BCAS3: variants seen among roughly 807,000 people sequenced by gnomAD.
The protein encoded by BCAS3 is BCAS3 microtubule associated cell migration factor.
A neutral mutation model predicts 116.1 loss-of-function variants in BCAS3; 53 were observed. The ratio of observed to expected loss-of-function variants is 0.46; its 90% CI spans 0.37 to 0.57. The LOEUF is 0.57. BCAS3 is among the 20% of genes least tolerant of loss of function. The pLI, the probability that BCAS3 is intolerant of heterozygous loss-of-function variation, is 0.00. For missense variants in BCAS3, 917 were observed against 1,165.4 expected (o/e 0.79, Z 3.10); for synonymous variants, 391 against 408.2 (o/e 0.96, Z 0.51).
chr17:60,799,524 G>GTTTTTTTTTT (rs869112996), intron 6 of BCAS3, among the ~76,000 whole-genome samples: 3 of 102,380 alleles, frequency 2.9e-5, no homozygotes, highest in Non-Finnish European at 5.9e-5. Flanking sequence ...ATTAGTGTTT[G>GTTTTTTTTTT]TTTTTTTTTT....
chr17:61,289,656 T>C (rs1317872787), intron 22 of BCAS3, among the ~76,000 whole-genome samples: 1 of 152,182 alleles, frequency 6.6e-6, no homozygotes, highest in Non-Finnish European at 1.5e-5. Flanking sequence ...TCCACAGGGT[T>C]GCACTGCTTA....
Position 61,130,480 on chromosome 17 carries a change from A to G in BCAS3, c.2425+45916A>G, listed in dbSNP as rs1218975663. Among the ~76,000 whole-genome samples the G allele has an allele frequency of 6.6e-6, 1 of 152,230 alleles. No individual in the cohort carries two copies. The highest frequency in any genetic ancestry group is 2.4e-5 in the African/African-American group (1 of 41,534). ...AAGTAACCAAATCGGTCCCACAAAC[A>G]TAAGCCTCTCTAACCCTGCCACCTC... On this transcript the variant is annotated intron_variant, in intron 22 of 23. Transcript: ENST00000407086. This position sits in a 1 kb window ranked among gnomAD's most constrained non-coding sequence, Gnocchi z 5.0.
intron 22 of BCAS3, among the ~76,000 whole-genome samples, chr17:61,147,172 T>G (rs1276745457): frequency 2.0e-5 from 3 of 152,092 alleles, no homozygotes; most frequent in Non-Finnish European, 4.4e-5. Context: ...CCTCTCAGGT[T>G]CAAGCGATTC....
Position 60,750,316 on chromosome 17 carries a change from G to A in BCAS3, c.403+3037G>A, listed in dbSNP as rs574887220. On this transcript the variant is annotated intron_variant, in intron 6 of 23. Coordinates refer to ENST00000407086, the MANE Select transcript of BCAS3 (RefSeq NM_017679.5). Reference sequence around the variant, plus strand: ...AAAAAGAAAAGTTTTAGCAAACTAGGAATAGAAAAAAAATTTTCTGAATAT... The same window carrying A: ...AAAAAGAAAAGTTTTAGCAAACTAGAAATAGAAAAAAAATTTTCTGAATAT... Among the ~76,000 whole-genome samples the A allele has an allele frequency of 2.4e-4, 37 of 152,092 alleles. No homozygotes were observed. The South Asian group carries it at 7.5e-3, about 31-fold the overall frequency.
chr17:61,318,616 C>A (rs769730748), intron 22 of BCAS3, among the ~76,000 whole-genome samples: 2 of 152,204 alleles, frequency 1.3e-5, no homozygotes, highest in Non-Finnish European at 2.9e-5. Flanking sequence ...TTTCTCCCCA[C>A]CCTGCAGTGA....
At chr17:60,875,153 A>T (rs182712726) in intron 9 of BCAS3, among the ~76,000 whole-genome samples, 6 of 152,146 alleles carry the variant, frequency 3.9e-5, no homozygotes, top group African/African-American at 1.4e-4. Flanking sequence ...TGAAAAAAAT[A>T]TATTTTTCGA....
At chr17:61,111,781 T>C (rs1436049564) in intron 22 of BCAS3, among the ~76,000 whole-genome samples, 1 of 117,504 alleles carries the variant, frequency 8.5e-6, no homozygotes. Context: ...AGACACATAA[T>C]TGTCAGATTC....
intron 22 of BCAS3, among the ~76,000 whole-genome samples, chr17:61,247,078 T>C (rs1234559909): frequency 1.3e-5 from 2 of 152,204 alleles, no homozygotes; most frequent in Non-Finnish European, 2.9e-5. Context: ...ATTTCACTGC[T>C]ACTTTCTGAC....
At position 61,378,593 on chromosome 17, in the gene BCAS3, C is replaced by T. The variant is rs2059446448; in HGVS notation, c.2593+10099C>T. Reference sequence around the variant, plus strand: ...CTGGTTCTTTGAACTGAGTCTGAACCATCTTTGTTATCCCCAACCACCAGC... The same window carrying T: ...CTGGTTCTTTGAACTGAGTCTGAACTATCTTTGTTATCCCCAACCACCAGC... On this transcript the variant is annotated intron_variant, in intron 23 of 23. Coordinates refer to ENST00000407086, the MANE Select transcript of BCAS3 (RefSeq NM_017679.5). The surrounding 1 kb of genome is among the most constrained non-coding windows in gnomAD (Gnocchi z 5.8). 1 of 152,320 alleles carries T rather than the reference C, an allele frequency of 6.6e-6. No homozygotes were observed. Among genetic ancestry groups the T allele is most frequent in the African/African-American group, 2.4e-5 (1 of 41,448 alleles). 9.4% of individuals were successfully genotyped at this position (152,320 alleles called of 1,614,324 possible). A position where few individuals can be genotyped will look rare whatever the true frequency, so the allele number is the denominator to read the frequency against.
chr17:61,299,462 A>G (rs112310945), intron 22 of BCAS3, among the ~76,000 whole-genome samples: 45 of 144,498 alleles, frequency 3.1e-4, no homozygotes, highest in East Asian at 1.9e-3. Context: ...AAAAAAAAAA[A>G]AAAAGAAAAG....
intron 20 of BCAS3, 47 bp downstream of exon 20, chr17:61,075,067 A>G: frequency 1.4e-6 from 2 of 1,451,038 alleles, no homozygotes; most frequent in Non-Finnish European, 1.9e-6. Flanking sequence ...TAAAACAGAA[A>G]TTTACTGTTT....
intron 15 of BCAS3, among the ~76,000 whole-genome samples, chr17:60,999,973 T>C (rs950053597): frequency 6.6e-6 from 1 of 152,196 alleles, no homozygotes; most frequent in Non-Finnish European, 1.5e-5. Flanking sequence ...TATTGTTGTC[T>C]AGAAATGCTA....
chr17:61,128,024 G>A lies in BCAS3; in HGVS notation c.2425+43460G>A, dbSNP rs1432641875. On this transcript the variant is annotated intron_variant, in intron 22 of 23. Coordinates refer to ENST00000407086, the MANE Select transcript of BCAS3 (RefSeq NM_017679.5). This position sits in a 1 kb window ranked among gnomAD's most constrained non-coding sequence, Gnocchi z 4.1. ...TGTGTGGCTTTGGGGAAGACATTCA[G>A]CAAAGAACACCACAATTCCCATTGA... Among the ~76,000 whole-genome samples, 1 of 152,072 alleles carries A rather than the reference G, an allele frequency of 6.6e-6. No homozygotes were observed. Among genetic ancestry groups the A allele is most frequent in the Non-Finnish European group, 1.5e-5 (1 of 68,018 alleles).
chr17:60,779,134 T>A (rs1464308722), intron 6 of BCAS3, among the ~76,000 whole-genome samples: 1 of 152,068 alleles, frequency 6.6e-6, no homozygotes, highest in East Asian at 1.9e-4. Context: ...AAATCTAAAA[T>A]TTGGAGCCTG....
chr17:61,179,840 C>T (rs1026367448), intron 22 of BCAS3, among the ~76,000 whole-genome samples: 3 of 149,064 alleles, frequency 2.0e-5, no homozygotes, highest in African/African-American at 7.4e-5. Flanking sequence ...TAGAAAACTA[C>T]TGGTAAAATA....
intron 22 of BCAS3, among the ~76,000 whole-genome samples, chr17:61,165,106 C>A (rs1311967235): frequency 6.6e-6 from 1 of 152,250 alleles, no homozygotes; most frequent in Non-Finnish European, 1.5e-5. Flanking sequence ...TCTATCCATT[C>A]AATTCTTACT....
intron 7 of BCAS3, among the ~76,000 whole-genome samples, chr17:60,808,896 G>C (rs1748717935): frequency 6.6e-6 from 1 of 152,152 alleles, no homozygotes; most frequent in Admixed American, 6.5e-5. Flanking sequence ...AGATCTTAAG[G>C]AATGGGAAAT....
intron 15 of BCAS3, among the ~76,000 whole-genome samples, chr17:61,011,147 A>G (rs1434459758): frequency 6.7e-6 from 1 of 149,290 alleles, no homozygotes; most frequent in African/African-American, 2.6e-5. Context: ...TCATGCAATA[A>G]AGGAAAAAAT....
intron 6 of BCAS3, among the ~76,000 whole-genome samples, chr17:60,777,381 T>A (rs748708444): frequency 6.6e-6 from 1 of 152,250 alleles, no homozygotes; most frequent in Non-Finnish European, 1.5e-5. Flanking sequence ...TCCCAGCACT[T>A]TGGGAGGACA....
Sources: gnomAD v4.1 joint callset for allele counts (sites outside exome capture counted in the v4.1 genomes callset) on GRCh38, gnomAD v4.1.1 for gene constraint, Gnocchi (gnomAD v3.1) non-coding constraint, MANE v1.5 for transcripts, NCBI Gene and HGNC (gene_info 2026-07-23, HGNC 2026-07-21) for gene names.